TIAM1: variants seen among roughly 807,000 people sequenced by gnomAD.
The protein encoded by TIAM1 is rho guanine nucleotide exchange factor TIAM1.
In TIAM1, 65 loss-of-function variants were observed where a neutral mutation model predicts 163.5. The ratio of observed to expected loss-of-function variants is 0.40; its 90% confidence interval spans 0.33 to 0.49. The LOEUF is 0.49. TIAM1 is among the 20% of genes least tolerant of loss of function. TIAM1 has a pLI of 0.77. For missense variants in TIAM1, 1,789 were observed against 2,044.7 expected, an observed-to-expected ratio of 0.87 and a Z score of 2.41; for synonymous variants, 833 against 810.1, an observed-to-expected ratio of 1.03 and a Z score of -0.48.
At chr21:31,272,043 T>C (rs1476272617) in intron 3 of TIAM1, among the ~76,000 whole-genome samples, 2 of 152,160 alleles carry the variant, frequency 1.3e-5, no homozygotes, top group Non-Finnish European at 2.9e-5. Flanking sequence ...ATATCCTAAG[T>C]CAAAAATTCA....
chr21:31,305,775 G>A (rs1207863319), intron 2 of TIAM1, among the ~76,000 whole-genome samples: 4 of 151,988 alleles, frequency 2.6e-5, no homozygotes, highest in Non-Finnish European at 4.4e-5. Flanking sequence ...TTCAATTTAG[G>A]CACAAAAACA....
chr21:31,222,695 ATATATATATATATTTTTTTTTTTT>A (rs1282193116), intron 8 of TIAM1, among the ~76,000 whole-genome samples: 8 of 35,844 alleles, frequency 2.2e-4, no homozygotes, highest in African/African-American at 1.1e-3. Flanking sequence ...ATATATATAT[ATATATATATATATTTTTTTTTTTT>A]TTTTTTTTTT....
intron 5 of TIAM1, among the ~76,000 whole-genome samples, chr21:31,246,329 T>C (rs1336171430): frequency 2.6e-5 from 4 of 152,120 alleles, no homozygotes; most frequent in South Asian, 2.1e-4. Context: ...CCATGCATAA[T>C]TGCACTGTGA....
intron 14 of TIAM1, among the ~76,000 whole-genome samples, chr21:31,185,423 TTATATAATTA>T (rs2085242819): frequency 1.4e-5 from 2 of 142,722 alleles, no homozygotes; most frequent in South Asian, 2.1e-4. Flanking sequence ...TATAATTATG[TTATATAATTA>T]TATATAATTA....
chr21:31,251,622 A>G, intron 5 of TIAM1, 120 bp downstream of exon 5: 3 of 1,045,502 alleles, frequency 2.9e-6, no homozygotes, highest in Non-Finnish European at 4.2e-6. Flanking sequence ...TTAAATTAGT[A>G]TGATTTTCAA....
chr21:31,348,724 C>T (rs1184889236), upstream of TIAM1, among the ~76,000 whole-genome samples: 1 of 152,192 alleles, frequency 6.6e-6, no homozygotes, highest in East Asian at 1.9e-4. Context: ...TTTGAAAACA[C>T]TGCAAACACT....
At chr21:31,356,665 C>A (rs1324772641) in intron 2 of TIAM1, among the ~76,000 whole-genome samples, 1 of 152,206 alleles carries the variant, frequency 6.6e-6, no homozygotes, top group Non-Finnish European at 1.5e-5. Context: ...TCTGCTGTTG[C>A]CTAGATCTTA....
rs148831996 is a variant in TIAM1 at position 31,476,599 on chromosome 21, G to A, written c.-421-12564C>T. Among the ~76,000 whole-genome samples, 622 of 152,190 alleles carry A rather than the reference G, an allele frequency of 4.1e-3. 4 individuals carry two copies. The highest frequency in any genetic ancestry group is 0.014 in the African/African-American group (580 of 41,504). On this transcript the variant is annotated intron_variant, in intron 1 of 28. Coordinates refer to the TIAM1 transcript ENST00000286827. ...TCTTCATTTTCTCTTCTCATTTTCCGTGGGGATGAGTGTCCAGACAGGCAG... is the reference window on the plus strand; with the variant it reads ...TCTTCATTTTCTCTTCTCATTTTCCATGGGGATGAGTGTCCAGACAGGCAG...
In TIAM1 at chr21:31,251,941, G is replaced by A. The variant is rs779231510; in HGVS notation, c.1212C>T (p.Ala404=). The part of the protein sequence containing the change: ...STTNSESLEE[A]GSAHSDEQSS... The stretch of plus-strand genomic sequence containing the variant: ...TCTGCTCATCGCTGTGCGCCGAGCC[G>A]GCCTCCTCCAGGCTCTCGCTGTTGG... Residue 404 remains alanine, a synonymous_variant, in exon 5 of 28, where the codon GCC becomes GCT. Transcript: ENST00000541036. The A allele has an allele frequency of 2.5e-6, 4 of 1,613,772 alleles. 1 individual carries two copies. The South Asian group carries it at 3.3e-5, about 13-fold the overall frequency.
chr21:31,164,784 G>A (rs2084125084), intron 16 of TIAM1, among the ~76,000 whole-genome samples, 178 bp downstream of exon 16: 1 of 152,158 alleles, frequency 6.6e-6, no homozygotes, highest in Non-Finnish European at 1.5e-5. Flanking sequence ...CTCACATACA[G>A]GTTTGTTACC....
intron 2 of TIAM1, among the ~76,000 whole-genome samples, chr21:31,308,625 T>C (rs1690397090): frequency 6.6e-6 from 1 of 152,154 alleles, no homozygotes; most frequent in South Asian, 2.1e-4. Flanking sequence ...CGTGTTGTAA[T>C]TTGTTATGAT....
intron 2 of TIAM1, among the ~76,000 whole-genome samples, chr21:31,320,383 G>A (rs1004129639): frequency 2.0e-5 from 3 of 152,134 alleles, no homozygotes; most frequent in Admixed American, 2.0e-4. Context: ...ATTAGATCAT[G>A]GTAATGGTTG....
chr21:31,394,519 G>T (rs1185342094), intron 2 of TIAM1, among the ~76,000 whole-genome samples: 2 of 152,148 alleles, frequency 1.3e-5, no homozygotes, highest in Admixed American at 6.5e-5. Flanking sequence ...GGTGATGACA[G>T]TTGAATGTTG....
At chr21:31,387,593 G>A (rs975693604) in intron 2 of TIAM1, among the ~76,000 whole-genome samples, 2 of 152,054 alleles carry the variant, frequency 1.3e-5, no homozygotes, top group Non-Finnish European at 2.9e-5. Flanking sequence ...GGGAAAAGAG[G>A]AATCAGTCCT....
At chr21:31,210,257 C>T (rs756063657) in intron 10 of TIAM1, 42 bp from the exon 11 acceptor site, 8 of 1,596,900 alleles carry the variant, frequency 5.0e-6, no homozygotes, top group Admixed American at 3.4e-5. Flanking sequence ...AGCAGTGGAG[C>T]TCTGACAACC....
intron 2 of TIAM1, among the ~76,000 whole-genome samples, chr21:31,353,395 G>C (rs1220169456): frequency 6.6e-6 from 1 of 152,116 alleles, no homozygotes; most frequent in Non-Finnish European, 1.5e-5. Flanking sequence ...CCAGTCACAG[G>C]CCTATCCCTT....
At chr21:31,445,965 A>G (rs747192298) in intron 2 of TIAM1, among the ~76,000 whole-genome samples, 2 of 151,882 alleles carry the variant, frequency 1.3e-5, no homozygotes, top group Non-Finnish European at 2.9e-5. Flanking sequence ...TTTGAGACAG[A>G]ATTTTGCTAT....
At chr21:31,352,422 A>G (rs9647143) in intron 2 of TIAM1, among the ~76,000 whole-genome samples, 45,546 of 151,932 alleles carry the variant, frequency 0.3, 7,780 homozygotes, top group Admixed American at 0.42. Context: ...ATTAATGCCA[A>G]TGAAGTGTGT....
intron 2 of TIAM1, among the ~76,000 whole-genome samples, chr21:31,332,231 C>T (rs1032469722): frequency 2.0e-5 from 3 of 152,134 alleles, no homozygotes; most frequent in African/African-American, 2.4e-5. Flanking sequence ...AATCCAGCCA[C>T]GGCATCTGAG....
Sources: allele counts gnomAD v4.1 joint callset (sites outside exome capture counted in the v4.1 genomes callset), GRCh38; gene constraint gnomAD v4.1.1; transcripts MANE v1.5; gene names NCBI Gene and HGNC (gene_info 2026-07-23, HGNC 2026-07-21).